Variants in BLTP1 observed in about 807,000 individuals in gnomAD.
The protein encoded by BLTP1 is bridge-like lipid transfer protein family member 1.
the BLTP1 span, chr4:122,264,142 C>G: frequency 3.0e-6 from 4 of 1,319,168 alleles, no homozygotes; most frequent in Non-Finnish European, 3.9e-6. Flanking sequence ...TTTAATCAGT[C>G]TTGAAATGGT....
chr4:122,263,626 T>C, the BLTP1 span: 2 of 1,470,100 alleles, frequency 1.4e-6, no homozygotes, highest in Non-Finnish European at 1.9e-6. Context: ...ATTATTTTGC[T>C]TAACTGTCTT....
the BLTP1 span, chr4:122,289,266 T>A: frequency 1.9e-6 from 2 of 1,072,566 alleles, no homozygotes; most frequent in African/African-American, 3.2e-5. Context: ...CCCATATATC[T>A]GTGGTATAAG....
chr4:122,198,382 C>G, the BLTP1 span: 49 of 985,102 alleles, frequency 5.0e-5, no homozygotes, highest in Admixed American at 4.3e-4. Context: ...TTTAGAAAAG[C>G]CATACATCTT....
the BLTP1 span, chr4:122,257,128 A>G: frequency 1.0e-6 from 1 of 980,838 alleles, no homozygotes; most frequent in Non-Finnish European, 1.5e-6. Flanking sequence ...ATTACTTAAC[A>G]TCTAAGTTTT....
chr4:122,322,895 CTT>C, the BLTP1 span, among the ~76,000 whole-genome samples: 1 of 152,086 alleles, frequency 6.6e-6, no homozygotes, highest in Non-Finnish European at 1.5e-5. Flanking sequence ...AGAAAGTACT[CTT>C]AGTGTTTTTT....
chr4:122,309,130 C>A, the BLTP1 span: 4 of 1,238,864 alleles, frequency 3.2e-6, no homozygotes, highest in Admixed American at 9.0e-5. Flanking sequence ...TAAAAGGCAT[C>A]TTTCTAAGCT....
the BLTP1 span, among the ~76,000 whole-genome samples, chr4:122,303,346 T>C: frequency 6.6e-6 from 1 of 152,172 alleles, no homozygotes; most frequent in East Asian, 1.9e-4. Context: ...TTTAAAAATA[T>C]TACTGCTCAC....
At chr4:122,276,158 A>G in the BLTP1 span, 1 of 712,718 alleles carries the variant, frequency 1.4e-6, no homozygotes, top group Non-Finnish European at 2.0e-6. Flanking sequence ...CTTTTATATA[A>G]TAGATTAAAG....
the BLTP1 span, chr4:122,334,675 A>G: frequency 2.3e-6 from 2 of 878,162 alleles, no homozygotes; most frequent in South Asian, 1.9e-5. Context: ...TAATGACTCT[A>G]CAGACTTCAT....
chr4:122,357,133 A>G, the BLTP1 span: 12 of 664,266 alleles, frequency 1.8e-5, no homozygotes, highest in Non-Finnish European at 2.2e-5. Context: ...TGAATTGAGA[A>G]AGCTGATAAA....
the BLTP1 span, chr4:122,346,414 AATTCCAACTTG>A: frequency 1.0e-6 from 1 of 970,822 alleles, no homozygotes; most frequent in African/African-American, 1.8e-5. Context: ...GTGATAATAG[AATTCCAACTTG>A]CCATCACCTC....
the BLTP1 span, chr4:122,227,408 T>C: frequency 4.1e-6 from 4 of 984,286 alleles, no homozygotes; most frequent in Non-Finnish European, 4.8e-6. Context: ...CATAGTATTA[T>C]TGTGCAATAA....
chr4:122,249,096 T>C, the BLTP1 span: 2 of 888,696 alleles, frequency 2.3e-6, no homozygotes, highest in Non-Finnish European at 2.7e-6. Context: ...GTAAAAGCTA[T>C]AATTTGCCTA....
chr4:122,283,683 T>G, the BLTP1 span, among the ~76,000 whole-genome samples: 1 of 152,058 alleles, frequency 6.6e-6, no homozygotes. Context: ...ATTTTAAAAT[T>G]TTTTGTAGAG....
chr4:122,164,417 G>C, the BLTP1 span: 4 of 985,322 alleles, frequency 4.1e-6, no homozygotes, highest in African/African-American at 5.2e-5. Context: ...TTTTGTTGCT[G>C]CTTCTCCTTC....
the BLTP1 span, among the ~76,000 whole-genome samples, chr4:122,167,357 A>G: frequency 2.4e-4 from 37 of 151,988 alleles, no homozygotes; most frequent in Non-Finnish European, 4.6e-4. Context: ...TGTCCTCCTT[A>G]TCCTATTTCT....
chr4:122,214,489 G>T, the BLTP1 span: 9 of 941,684 alleles, frequency 9.6e-6, no homozygotes, highest in African/African-American at 1.8e-5. Flanking sequence ...AGTTTTATTT[G>T]TATTTGTAAA....
At chr4:122,265,078 T>A in the BLTP1 span, among the ~76,000 whole-genome samples, 1 of 152,204 alleles carries the variant, frequency 6.6e-6, no homozygotes, top group African/African-American at 2.4e-5. Context: ...AGAGGAGGCA[T>A]CATTTTTTCA....
chr4:122,317,309 G>C, the BLTP1 span, among the ~76,000 whole-genome samples: 1 of 151,636 alleles, frequency 6.6e-6, no homozygotes, highest in Non-Finnish European at 1.5e-5. Flanking sequence ...TCCAGCCTGG[G>C]TGACACAGCG....
Sources: allele counts gnomAD v4.1 joint callset (sites outside exome capture counted in the v4.1 genomes callset), GRCh38; gene constraint gnomAD v4.1.1; transcripts MANE v1.5; gene names NCBI Gene and HGNC (gene_info 2026-07-23, HGNC 2026-07-21).